CMBL: variants seen among roughly 807,000 people sequenced by gnomAD.
The protein encoded by CMBL is carboxymethylenebutenolidase homolog, also known as carboxymethylenebutenolidase homolog (Pseudomonas).
A neutral mutation model predicts 28.7 loss-of-function variants in CMBL; 17 were observed. That is an observed-to-expected ratio of 0.59 (90% CI 0.41 to 0.89). The LOEUF (loss-of-function observed/expected upper bound fraction) is 0.89, where lower values mean the gene tolerates loss of function less well. CMBL is among the 40% of genes least tolerant of loss of function. The probability of loss-of-function intolerance (pLI) is 0.00; values close to 1 mark genes in which losing one functional copy is unlikely to be tolerated. For missense variants in CMBL, 310 were observed against 298.5 expected (o/e 1.04, Z -0.28); for synonymous variants, 106 against 101.6 (o/e 1.04, Z -0.26).
At chr5:10,285,694 C>CTTTTTTTTT (rs1252497762) in intron 4 of CMBL, among the ~76,000 whole-genome samples, 1 of 87,386 alleles carries the variant, frequency 1.1e-5, no homozygotes, top group African/African-American at 3.1e-5. Context: ...CTTTCTCTTT[C>CTTTTTTTTT]TTTTTCTTTT....
In CMBL at chr5:10,286,515, A is replaced by T; in HGVS notation, c.324-19T>A. On this transcript the variant is annotated intron_variant, in intron 3 of 5. Transcript: ENST00000296658. ...GATCTCTCTAGAACAGAAAGAAAAA[A>T]TATTCAAGAATCAGGCTTATTTTGT... 1 of 1,607,768 alleles carries T rather than the reference A, an allele frequency of 6.2e-7. No homozygotes were observed. The highest frequency in any genetic ancestry group is 8.5e-7 in the Non-Finnish European group (1 of 1,176,364).
At position 10,302,093 on chromosome 5, in the gene CMBL, A is replaced by G. The variant is rs189422121; in HGVS notation, c.-20+5532T>C. Among the ~76,000 whole-genome samples, 236 of 152,324 alleles carry G rather than the reference A, an allele frequency of 1.5e-3. 1 individual carries two copies. Among genetic ancestry groups the G allele is most frequent in the African/African-American group, 5.3e-3 (221 of 41,568 alleles). ...GACCCTCCACGTGGGCACAGCAGCC[A>G]GGCCACGCCTTGTGCCAGGGGCCAA... On this transcript the variant is annotated intron_variant, in intron 1 of 5. Transcript: ENST00000296658.
chr5:10,288,627 G>C, intron 2 of CMBL, 98 bp from the exon 3 acceptor site: 2 of 941,222 alleles, frequency 2.1e-6, no homozygotes, highest in Non-Finnish European at 3.3e-6. Context: ...GGCGATTCTG[G>C]CTCAGAGAAA....
At chr5:10,300,150 G>T (rs966091415) in intron 1 of CMBL, among the ~76,000 whole-genome samples, 3 of 152,186 alleles carry the variant, frequency 2.0e-5, no homozygotes, top group African/African-American at 7.2e-5. Flanking sequence ...CCAATGACTG[G>T]TGTCCTTCTA....
intron 3 of CMBL, among the ~76,000 whole-genome samples, chr5:10,287,451 C>T (rs1746625169): frequency 8.3e-6 from 1 of 121,008 alleles, no homozygotes; most frequent in Non-Finnish European, 1.6e-5. Context: ...TTCACAGAGG[C>T]ACATAGAGTG....
intron 1 of CMBL, among the ~76,000 whole-genome samples, chr5:10,291,537 T>C (rs1303900209): frequency 6.6e-6 from 1 of 151,496 alleles, no homozygotes; most frequent in African/African-American, 2.4e-5. Flanking sequence ...GGTGGGCGCC[T>C]GTAGTCCCAG....
intron 5 of CMBL, among the ~76,000 whole-genome samples, chr5:10,281,438 A>T (rs1468035601): frequency 6.6e-6 from 1 of 152,076 alleles, no homozygotes; most frequent in Admixed American, 6.6e-5. Flanking sequence ...GCCTGGTCTT[A>T]AACTCTCAGC....
At chr5:10,297,023 A>G (rs1746821286) in intron 1 of CMBL, among the ~76,000 whole-genome samples, 1 of 152,136 alleles carries the variant, frequency 6.6e-6, no homozygotes, top group South Asian at 2.1e-4. Flanking sequence ...CGTCTCTACT[A>G]AAAATACAAA....
Position 10,278,437 on chromosome 5 carries a change from G to C in CMBL, c.*2016C>G, listed in dbSNP as rs904247077. Among the ~76,000 whole-genome samples the C allele has an allele frequency of 6.6e-6, 1 of 151,900 alleles. No individual in the cohort carries two copies. Among genetic ancestry groups the C allele is most frequent in the African/African-American group, 2.4e-5 (1 of 41,350 alleles). The stretch of plus-strand genomic sequence containing the variant: ...ACCATGCCGATATCCTACCCACACC[G>C]ACCCCTCTCAGTCACAGCGTGAGTC... On this transcript the variant is annotated 3_prime_UTR_variant, in exon 6 of 6. Transcript: ENST00000296658.
In CMBL at chr5:10,291,005, C is replaced by T. The variant is rs563012291; in HGVS notation, c.-19-224G>A. 1.1e-3 allele frequency among the ~76,000 whole-genome samples: 162 copies of T among 152,174 alleles called. 1 individual carries two copies. The highest frequency in any genetic ancestry group is 3.7e-3 in the African/African-American group (153 of 41,526). On this transcript the variant is annotated intron_variant, in intron 1 of 5. Coordinates refer to ENST00000296658, the MANE Select transcript of CMBL (RefSeq NM_138809.4). ...ATAACAACAAAACAACAAAAAATAGCGATGAAAGAACTCACAGGGAAAAGG... is the reference window on the plus strand; with the variant it reads ...ATAACAACAAAACAACAAAAAATAGTGATGAAAGAACTCACAGGGAAAAGG...
chr5:10,292,562 C>A (rs774161816), intron 1 of CMBL, among the ~76,000 whole-genome samples: 64 of 152,084 alleles, frequency 4.2e-4, no homozygotes, highest in Non-Finnish European at 7.5e-4. Context: ...TGGTGGCTCA[C>A]GCCTGTAATC....
At chr5:10,280,977 TTGACCAGGCTAGTCTCAAACTCC>T (rs1184112213) in intron 5 of CMBL, among the ~76,000 whole-genome samples, 4 of 152,164 alleles carry the variant, frequency 2.6e-5, no homozygotes, top group Non-Finnish European at 5.9e-5. Context: ...TTTCACCATG[TTGACCAGGCTAGTCTCAAACTCC>T]TGACCTCAAG....
chr5:10,290,814 A>G (rs766716072), intron 1 of CMBL, 33 bp from the exon 2 acceptor site: 26 of 1,488,158 alleles, frequency 1.7e-5, no homozygotes, highest in Non-Finnish European at 2.4e-5. Flanking sequence ...TATATTCTGA[A>G]TGCTGCAAAT....
In CMBL at chr5:10,280,446, A is replaced by C. The variant is rs1257474648; in HGVS notation, c.*7T>G. 1 of 1,565,894 alleles carries C rather than the reference A, an allele frequency of 6.4e-7. No individual in the cohort carries two copies. The highest frequency in any genetic ancestry group is 1.3e-5 in the African/African-American group (1 of 74,320). On this transcript the variant is annotated 3_prime_UTR_variant, in exon 6 of 6. Coordinates refer to ENST00000296658, the MANE Select transcript of CMBL (RefSeq NM_138809.4). ...GCTATTCTAGGAAGGCTTGCCCTTG[A>C]TTCTTGCTACATGTACTTGTTCAGC...
Position 10,290,566 on chromosome 5 carries a change from A to G in CMBL, c.197T>C (p.Ile66Thr). ...LPNTRYIADM[I>T]SGNGYTTIVP... ...TACATACGTGTATCCATTTCCTGAGATCATGTCAGCTATATATCTGGTATT... is the reference window on the plus strand; with the variant it reads ...TACATACGTGTATCCATTTCCTGAGGTCATGTCAGCTATATATCTGGTATT... The change falls in exon 2 of 6, where the codon ATC (isoleucine) becomes ACC (threonine). Residue 66 changes from isoleucine (I) to threonine (T), a missense_variant. By Grantham distance (89) the Ile-to-Thr change is moderately conservative. Transcript: ENST00000296658. The G allele has an allele frequency of 6.2e-7, 1 of 1,613,780 alleles. No individual in the cohort carries two copies. The highest frequency in any genetic ancestry group is 1.3e-5 in the African/African-American group (1 of 75,042).
intron 1 of CMBL, among the ~76,000 whole-genome samples, chr5:10,300,376 T>C (rs901853387): frequency 6.6e-6 from 1 of 152,210 alleles, no homozygotes; most frequent in Non-Finnish European, 1.5e-5. Context: ...TCCAGAACTA[T>C]GAGGCACTGT....
intron 4 of CMBL, among the ~76,000 whole-genome samples, 178 bp from the exon 5 acceptor site, chr5:10,282,466 G>A (rs1033705871): frequency 1.3e-5 from 2 of 152,076 alleles, no homozygotes; most frequent in Non-Finnish European, 2.9e-5. Flanking sequence ...CCATTCCACA[G>A]AAGTGGCCCC....
At chr5:10,296,532 G>A (rs184568760) in intron 1 of CMBL, among the ~76,000 whole-genome samples, 8 of 152,190 alleles carry the variant, frequency 5.3e-5, no homozygotes, top group East Asian at 1.9e-4. Flanking sequence ...CCACTGTGCC[G>A]GGCCTGTAGG....
Position 10,302,536 on chromosome 5 carries a change from C to A in CMBL, c.-20+5089G>T, listed in dbSNP as rs188334204. ...TGGTGGTGCATACCTGTAATCCCAGCTACTTGGGCGGCTGAGGCAGGAGAA... is the reference window on the plus strand; with the variant it reads ...TGGTGGTGCATACCTGTAATCCCAGATACTTGGGCGGCTGAGGCAGGAGAA... On this transcript the variant is annotated intron_variant, in intron 1 of 5. Transcript: ENST00000296658. Among the ~76,000 whole-genome samples, 19 of 150,444 alleles carry A rather than the reference C, an allele frequency of 1.3e-4. No individual in the cohort carries two copies. In the East Asian group the frequency reaches 3.5e-3, roughly 28 times the overall value.
Sources: gnomAD v4.1 joint callset for allele counts (sites outside exome capture counted in the v4.1 genomes callset) on GRCh38, gnomAD v4.1.1 for gene constraint, MANE v1.5 for transcripts, NCBI Gene and HGNC (gene_info 2026-07-23, HGNC 2026-07-21) for gene names.